The following MGAT4C variants were observed in gnomAD, a reference collection of about 807,000 sequenced individuals.
MGAT4C encodes alpha-1,3-mannosyl-glycoprotein 4-beta-N-acetylglucosaminyltransferase C.
A neutral mutation model predicts 40.1 loss-of-function variants in MGAT4C; 19 were observed. The observed-to-expected ratio is 0.47, with a 90% confidence interval of 0.33 to 0.70. The LOEUF (loss-of-function observed/expected upper bound fraction) is 0.70, where lower values mean the gene tolerates loss of function less well. Ranked by LOEUF, MGAT4C falls within the 30% of genes least tolerant of loss-of-function variation. MGAT4C has a pLI of 0.02. For missense variants in MGAT4C, 491 were observed against 563.2 expected (o/e 0.87, Z 1.30); for synonymous variants, 181 against 187.1 (o/e 0.97, Z 0.27).
intron 1 of MGAT4C, among the ~76,000 whole-genome samples, chr12:86,109,118 C>A (rs1465576113): frequency 6.6e-6 from 1 of 152,068 alleles, no homozygotes; most frequent in Non-Finnish European, 1.5e-5. Context: ...ATCTAAAGAT[C>A]AGCAGCAGTC....
intron 1 of MGAT4C, among the ~76,000 whole-genome samples, chr12:86,210,027 A>G (rs750959273): frequency 6.6e-6 from 1 of 152,160 alleles, no homozygotes; most frequent in Non-Finnish European, 1.5e-5. Context: ...AAGGGCTGCA[A>G]ATTTAGGCTG....
In MGAT4C at chr12:86,406,488, G is replaced by T. The variant is rs149448053; in HGVS notation, c.-120+28669C>A. 5.8e-3 allele frequency among the ~76,000 whole-genome samples: 885 copies of T among 152,120 alleles called. 5 individuals are homozygous for T. Among genetic ancestry groups the T allele is most frequent in the Middle Eastern group, 0.01 (3 of 292 alleles). On this transcript the variant is annotated intron_variant, in intron 3 of 7. Coordinates refer to the MGAT4C transcript ENST00000548651. Reference sequence around the variant, plus strand: ...CAAATCGCAAGTAAGCACATGAAAAGTTGTTCAACATCATTAGCAATTTGG... The same window carrying T: ...CAAATCGCAAGTAAGCACATGAAAATTTGTTCAACATCATTAGCAATTTGG...
intron 2 of MGAT4C, among the ~76,000 whole-genome samples, chr12:86,488,430 A>C (rs1258457173): frequency 6.6e-6 from 1 of 151,654 alleles, no homozygotes; most frequent in Admixed American, 6.6e-5. Flanking sequence ...CTGTCTCAAA[A>C]AAAAAAAACA....
At chr12:86,509,970 G>A (rs879504235) in intron 2 of MGAT4C, among the ~76,000 whole-genome samples, 8 of 152,058 alleles carry the variant, frequency 5.3e-5, no homozygotes, top group Admixed American at 1.3e-4. Context: ...GGCTGAGACA[G>A]TGGGGTTTTC....
intron 3 of MGAT4C, among the ~76,000 whole-genome samples, chr12:86,408,932 AC>A (rs1956546374): frequency 6.6e-6 from 1 of 152,044 alleles, no homozygotes; most frequent in Admixed American, 6.6e-5. Context: ...TCACTCAATG[AC>A]TTTTTGTGAA....
At chr12:86,645,916 CT>C (rs369905655) in intron 2 of MGAT4C, among the ~76,000 whole-genome samples, 4 of 151,712 alleles carry the variant, frequency 2.6e-5, no homozygotes, top group African/African-American at 9.7e-5. Flanking sequence ...TTCCCACCCC[CT>C]GTAAAATAAA....
At chr12:86,277,674 T>C (rs1245535891) in intron 4 of MGAT4C, among the ~76,000 whole-genome samples, 1 of 152,228 alleles carries the variant, frequency 6.6e-6, no homozygotes, top group Non-Finnish European at 1.5e-5. Flanking sequence ...AATTGTGTTC[T>C]TGGCACCTTT....
intron 4 of MGAT4C, among the ~76,000 whole-genome samples, chr12:86,315,932 A>T (rs1274890261): frequency 6.6e-6 from 1 of 151,848 alleles, no homozygotes; most frequent in African/African-American, 2.4e-5. Flanking sequence ...ATGAGGGAAA[A>T]TATTTACAAA....
intron 1 of MGAT4C, among the ~76,000 whole-genome samples, chr12:86,088,222 T>C (rs1037816116): frequency 9.9e-5 from 15 of 151,936 alleles, no homozygotes; most frequent in Admixed American, 3.3e-4. Flanking sequence ...AGAAATCAAC[T>C]CAAGATGAAT....
At chr12:86,793,395 T>G (rs1366578377) in intron 1 of MGAT4C, among the ~76,000 whole-genome samples, 1 of 152,132 alleles carries the variant, frequency 6.6e-6, no homozygotes, top group Non-Finnish European at 1.5e-5. Flanking sequence ...AAATATTTAT[T>G]GTTGCCATTA....
At chr12:86,266,609 G>C (rs1361414580) in intron 4 of MGAT4C, among the ~76,000 whole-genome samples, 1 of 152,066 alleles carries the variant, frequency 6.6e-6, no homozygotes, top group Non-Finnish European at 1.5e-5. Context: ...TGTTGTGATT[G>C]TGTCCTTGTC....
intron 1 of MGAT4C, among the ~76,000 whole-genome samples, chr12:86,233,631 G>A (rs551477150): frequency 6.6e-6 from 1 of 152,172 alleles, no homozygotes; most frequent in East Asian, 1.9e-4. Flanking sequence ...GCAAAGCAGA[G>A]GAACACAATT....
At chr12:86,618,296 T>G (rs1962523571) in intron 2 of MGAT4C, among the ~76,000 whole-genome samples, 1 of 152,126 alleles carries the variant, frequency 6.6e-6, no homozygotes, top group Admixed American at 6.6e-5. Context: ...AAATTAAAAC[T>G]AGCACAAGAT....
chr12:86,731,389 C>A (rs1410248481), intron 1 of MGAT4C, among the ~76,000 whole-genome samples: 2 of 152,030 alleles, frequency 1.3e-5, no homozygotes, highest in African/African-American at 2.4e-5. Flanking sequence ...AAATAAATTT[C>A]TTGTATGTTA....
chr12:86,314,753 C>A (rs2136153918), intron 4 of MGAT4C, among the ~76,000 whole-genome samples: 1 of 152,196 alleles, frequency 6.6e-6, no homozygotes, highest in East Asian at 1.9e-4. Flanking sequence ...TTACAGTAAC[C>A]CCTAACATTA....
chr12:86,356,512 C>A (rs1351343120), intron 3 of MGAT4C, among the ~76,000 whole-genome samples: 1 of 152,152 alleles, frequency 6.6e-6, no homozygotes, highest in Admixed American at 6.6e-5. Flanking sequence ...TGAGACAAAG[C>A]AGGGCAGGGC....
intron 1 of MGAT4C, among the ~76,000 whole-genome samples, chr12:86,814,018 C>A (rs963668487): frequency 4.0e-5 from 6 of 151,764 alleles, no homozygotes; most frequent in Admixed American, 3.3e-4. Flanking sequence ...TCAAGCAATT[C>A]TCCTGCCTCA....
At chr12:85,997,915 C>T (rs1416289503) in intron 2 of MGAT4C, among the ~76,000 whole-genome samples, 1 of 152,198 alleles carries the variant, frequency 6.6e-6, no homozygotes, top group Non-Finnish European at 1.5e-5. Flanking sequence ...CTACATAGTG[C>T]TCCAGTAGGG....
chr12:86,664,440 T>A (rs1964051909), intron 2 of MGAT4C, among the ~76,000 whole-genome samples: 1 of 152,152 alleles, frequency 6.6e-6, no homozygotes, highest in Admixed American at 6.5e-5. Context: ...ATTATTTTAT[T>A]TGTATCAAAT....
Sources: gnomAD v4.1 joint callset for allele counts (sites outside exome capture counted in the v4.1 genomes callset) on GRCh38, gnomAD v4.1.1 for gene constraint, MANE v1.5 for transcripts, NCBI Gene and HGNC (gene_info 2026-07-23, HGNC 2026-07-21) for gene names.